The following DNM2 variants were observed in gnomAD, a reference collection of about 807,000 sequenced individuals.
DNM2 encodes dynamin 2.
A neutral mutation model predicts 99.0 loss-of-function variants in DNM2; 15 were observed. That is an observed-to-expected ratio of 0.15 (90% CI 0.10 to 0.23). The LOEUF is 0.23. Ranked by LOEUF, DNM2 falls within the 10% of genes least tolerant of loss-of-function variation. DNM2 has a pLI of 1.00. For missense variants in DNM2, 742 were observed against 1,189.4 expected (o/e 0.62, Z 5.53); for synonymous variants, 525 against 481.2 (o/e 1.09, Z -1.19).
rs1389092127 is a variant in DNM2, at chr19:10,816,581, G to A, written c.1672-3399G>A. ...CTCAAAATGGCTGGGGTGGGGTAGG[G>A]TGCCCTTTCTCTTTTTCTCCCCTCT... On this transcript the variant is annotated intron_variant, in intron 15 of 20. Coordinates refer to ENST00000389253, the MANE Select transcript of DNM2 (RefSeq NM_001005361.3). The surrounding 1 kb of genome is among the most constrained non-coding windows in gnomAD (Gnocchi z 4.6). Among the ~76,000 whole-genome samples the A allele has an allele frequency of 6.6e-6, 1 of 152,110 alleles. No homozygotes were observed. Among genetic ancestry groups the A allele is most frequent in the Non-Finnish European group, 1.5e-5 (1 of 68,006 alleles).
At chr19:10,725,781 T>C (rs571673888) in intron 1 of DNM2, among the ~76,000 whole-genome samples, 29 of 152,126 alleles carry the variant, frequency 1.9e-4, no homozygotes, top group Non-Finnish European at 4.0e-4. Flanking sequence ...GTTTCTTTTC[T>C]CTTGCTCTGT....
At chr19:10,823,762 G>A (rs561147758) in intron 16 of DNM2, 26 bp from the exon 17 acceptor site, 2 of 1,607,204 alleles carry the variant, frequency 1.2e-6, no homozygotes, top group East Asian at 2.2e-5. Flanking sequence ...TCAAGCTTGT[G>A]CCCCTCCTTC....
intron 7 of DNM2, among the ~76,000 whole-genome samples, chr19:10,788,660 T>C (rs893303883): frequency 3.3e-5 from 5 of 152,222 alleles, no homozygotes; most frequent in African/African-American, 4.8e-5. Flanking sequence ...TTGGTGCAGC[T>C]GCTTAGCTGT....
In DNM2 at chr19:10,793,731, A is replaced by G. The variant is rs759996048; in HGVS notation, c.1004A>G (p.Gln335Arg). The change falls in exon 8 of 21, where the codon CAG (glutamine) becomes CGG (arginine). Residue 335 changes from glutamine to arginine, a missense_variant. By Grantham distance (43) the Gln-to-Arg change is conservative (BLOSUM62 1). Around this residue, in one of 7 missense-constraint regions of DNM2, gnomAD observed 14 missense variants for 31.7 expected, o/e 0.44. Transcript: ENST00000389253. Reference protein sequence around the residue: ...KTKALLQMVQQFGVDFEKRIE... With the variant: ...KTKALLQMVQRFGVDFEKRIE... ...CCTTTTCCTCATAGGATGGTCCAGC[A>G]GTTTGGGGTGGATTTTGAGAAGAGG... 2 of 1,614,056 alleles carry G rather than the reference A, an allele frequency of 1.2e-6. No individual in the cohort carries two copies. Among genetic ancestry groups the G allele is most frequent in the South Asian group, 1.1e-5 (1 of 91,072 alleles).
intron 1 of DNM2, among the ~76,000 whole-genome samples, chr19:10,729,490 C>G (rs2145701577): frequency 6.6e-6 from 1 of 152,262 alleles, no homozygotes; most frequent in African/African-American, 2.4e-5. Flanking sequence ...AGTGGAATAG[C>G]CCCGCCAGGA....
intron 18 of DNM2, 121 bp downstream of exon 18, chr19:10,825,342 C>T (rs1271424715): frequency 4.3e-6 from 6 of 1,391,112 alleles, no homozygotes. Flanking sequence ...CAAGACCAGC[C>T]TGGCCAAAAC....
chr19:10,831,226 C>A lies in DNM2; in HGVS notation c.*179C>A. The A allele has an allele frequency of 1.4e-6, 2 of 1,382,450 alleles. No homozygotes were observed. Among genetic ancestry groups the A allele is most frequent in the South Asian group, 3.4e-5 (2 of 58,806 alleles). 85.6% of individuals were successfully genotyped at this position (1,382,450 alleles called of 1,614,324 possible). ...CCCCTGTGCCTGGCTGGACACCGCA[C>A]TGCGCAAAGGGGCCCTGGAGCTCCA... is the stretch of plus-strand genomic sequence containing the variant. On this transcript the variant is annotated 3_prime_UTR_variant, in exon 21 of 21. Transcript: ENST00000389253. This position sits in a 1 kb window ranked among gnomAD's most constrained non-coding sequence, Gnocchi z 4.3.
At chr19:10,778,012 T>G (rs960806012) in intron 5 of DNM2, among the ~76,000 whole-genome samples, 1 of 141,286 alleles carries the variant, frequency 7.1e-6, no homozygotes, top group African/African-American at 2.6e-5. Context: ...AATATTTTAT[T>G]TTTTCATTTT....
At chr19:10,824,120 G>C in intron 17 of DNM2, 1 of 575,076 alleles carries the variant, frequency 1.7e-6, no homozygotes, top group East Asian at 3.0e-5. Context: ...GGCACACAGG[G>C]GATGGGGTCC....
intron 1 of DNM2, among the ~76,000 whole-genome samples, chr19:10,724,121 A>C (rs2145671484): frequency 6.9e-6 from 1 of 144,890 alleles, no homozygotes; most frequent in East Asian, 2.2e-4. Context: ...GATGGAAAAA[A>C]GGATCAAGGA....
chr19:10,746,887 C>T (rs546896540), intron 1 of DNM2, among the ~76,000 whole-genome samples: 13 of 151,502 alleles, frequency 8.6e-5, no homozygotes, highest in African/African-American at 2.9e-4. Context: ...CAGGTGCCCA[C>T]CACCACGCCT....
chr19:10,739,151 C>T (rs1408596952), intron 1 of DNM2, among the ~76,000 whole-genome samples: 1 of 152,000 alleles, frequency 6.6e-6, no homozygotes, highest in African/African-American at 2.4e-5. Flanking sequence ...CCAGCCTGGG[C>T]GACAGAGCGA....
intron 1 of DNM2, 47 bp downstream of exon 1, chr19:10,718,450 C>G (rs1163402013): frequency 1.5e-6 from 2 of 1,351,672 alleles, no homozygotes; most frequent in Non-Finnish European, 1.9e-6. Flanking sequence ...GCCTAGGGCG[C>G]GGAGGGCGGA....
At chr19:10,741,287 G>A (rs1471930909) in intron 1 of DNM2, among the ~76,000 whole-genome samples, 1 of 151,772 alleles carries the variant, frequency 6.6e-6, no homozygotes, top group African/African-American at 2.4e-5. Flanking sequence ...CTGGAAACGT[G>A]GTGGCATGAT....
At chr19:10,735,355 T>C (rs2069485155) in intron 1 of DNM2, among the ~76,000 whole-genome samples, 1 of 152,074 alleles carries the variant, frequency 6.6e-6, no homozygotes, top group African/African-American at 2.4e-5. Context: ...GTGAATCTTA[T>C]CAGGAGTATA....
chr19:10,825,335 G>C, intron 18 of DNM2, 114 bp downstream of exon 18: 1 of 1,455,284 alleles, frequency 6.9e-7, no homozygotes, highest in Non-Finnish European at 9.5e-7. Context: ...AGGAGTTCAA[G>C]ACCAGCCTGG....
chr19:10,823,104 C>T (rs1292512068), intron 16 of DNM2: 1 of 147,518 alleles, frequency 6.8e-6, no homozygotes, highest in Non-Finnish European at 1.5e-5. Context: ...GACTCTGTCT[C>T]AAAAACAAAA....
chr19:10,759,463 C>G (rs1024871134), intron 1 of DNM2, among the ~76,000 whole-genome samples: 1 of 152,016 alleles, frequency 6.6e-6, no homozygotes, highest in African/African-American at 2.4e-5. Context: ...CAAATACATG[C>G]CAGGGAATGG....
intron 2 of DNM2, among the ~76,000 whole-genome samples, chr19:10,762,368 A>G (rs1022940113): frequency 6.6e-6 from 1 of 152,118 alleles, no homozygotes; most frequent in Non-Finnish European, 1.5e-5. Context: ...GTCCCTGGTG[A>G]TGCTGCCAGT....
Sources: allele counts gnomAD v4.1 joint callset (sites outside exome capture counted in the v4.1 genomes callset), GRCh38; gene constraint gnomAD v4.1.1; regional missense constraint gnomAD v4.1.1; non-coding constraint Gnocchi (gnomAD v3.1); transcripts MANE v1.5; gene names NCBI Gene and HGNC (gene_info 2026-07-23, HGNC 2026-07-21).